The following SNTG1 variants were observed in gnomAD, a reference collection of about 807,000 sequenced individuals.
The protein encoded by SNTG1 is syntrophin gamma 1, also known as gamma-1-syntrophin.
In SNTG1, 39 loss-of-function variants were observed where a neutral mutation model predicts 74.7. The observed-to-expected ratio is 0.52, with a 90% CI of 0.40 to 0.68. The LOEUF is 0.68. Among genes scored for constraint, SNTG1 ranks in the 30% least tolerant of loss-of-function variants. SNTG1 has a pLI of 0.00. For synonymous variants in SNTG1, 254 were observed against 217.1 expected (o/e 1.17, Z -1.49); for missense variants, 685 against 609.5 (o/e 1.12, Z -1.30).
intron 1 of SNTG1, among the ~76,000 whole-genome samples, chr8:50,102,029 G>A (rs2080150833): frequency 6.6e-6 from 1 of 152,056 alleles, no homozygotes; most frequent in South Asian, 2.1e-4. Context: ...ACGTGTGCAT[G>A]TGTCTTTATA....
At chr8:50,473,397 T>C (rs541236074) in intron 8 of SNTG1, among the ~76,000 whole-genome samples, 68 of 152,264 alleles carry the variant, frequency 4.5e-4, no homozygotes, top group South Asian at 1.0e-3. Context: ...CAGATATATC[T>C]TTATAGCAGT....
chr8:50,708,163 T>A (rs141147920), intron 16 of SNTG1: 198 of 185,352 alleles, frequency 1.1e-3, no homozygotes, highest in African/African-American at 4.6e-3. Context: ...ACCGCACCAC[T>A]ACGCTCTAGC....
At chr8:50,478,451 G>A (rs61046978) in intron 8 of SNTG1, among the ~76,000 whole-genome samples, 6,259 of 152,082 alleles carry the variant, frequency 0.041, 136 homozygotes, top group Middle Eastern at 0.12. Flanking sequence ...GTTCCTTCTT[G>A]TTCCCAAAAT....
In SNTG1 at chr8:50,751,984, T is replaced by TA; in HGVS notation, c.1285-17_1285-16insA. 1 of 1,471,296 alleles carries TA rather than the reference T, an allele frequency of 6.8e-7. No individual in the cohort carries two copies. The highest frequency in any genetic ancestry group is 1.4e-5 in the South Asian group (1 of 73,854). 91.1% of individuals were successfully genotyped at this position (1,471,296 alleles called of 1,614,324 possible). A position where few individuals can be genotyped will look rare whatever the true frequency, so the allele number is the denominator to read the frequency against. Reference sequence around the variant, plus strand: ...ATTAATTCCACCGACTTACATTGTTTTTTTTCCCCCCTTTAGGCTGTCCTT... The same window carrying TA: ...ATTAATTCCACCGACTTACATTGTTTATTTTTCCCCCCTTTAGGCTGTCCTT... On this transcript the variant is annotated splice_polypyrimidine_tract_variant and intron_variant, in intron 17 of 18. Coordinates refer to ENST00000642720, the MANE Select transcript of SNTG1 (RefSeq NM_018967.5).
intron 4 of SNTG1, among the ~76,000 whole-genome samples, chr8:50,422,695 G>T (rs945984637): frequency 2.6e-5 from 4 of 152,024 alleles, no homozygotes; most frequent in African/African-American, 9.7e-5. Flanking sequence ...GGGTTGGTGG[G>T]GCCAGATGGA....
intron 18 of SNTG1, chr8:50,762,816 G>C (rs1213267801): frequency 2.5e-5 from 11 of 431,474 alleles, no homozygotes; most frequent in Non-Finnish European, 1.9e-5. Context: ...TCTCTTTTAA[G>C]TCTCTTGAGC....
At chr8:50,721,846 A>G (rs2095488376) in intron 17 of SNTG1, among the ~76,000 whole-genome samples, 1 of 152,140 alleles carries the variant, frequency 6.6e-6, no homozygotes, top group Non-Finnish European at 1.5e-5. Flanking sequence ...AGCACAGTGA[A>G]TGCCCATTTT....
At chr8:50,625,801 A>G (rs988634571) in intron 13 of SNTG1, among the ~76,000 whole-genome samples, 2 of 152,230 alleles carry the variant, frequency 1.3e-5, no homozygotes, top group African/African-American at 4.8e-5. Flanking sequence ...GTTTTCATCT[A>G]AATTTGTCAT....
At chr8:50,761,910 T>G (rs1165827594) in intron 18 of SNTG1, among the ~76,000 whole-genome samples, 2 of 152,012 alleles carry the variant, frequency 1.3e-5, no homozygotes, top group African/African-American at 4.8e-5. Context: ...AAATAATCTT[T>G]GATATTACAC....
At chr8:50,170,337 G>T (rs866692094) in intron 1 of SNTG1, among the ~76,000 whole-genome samples, 7 of 152,050 alleles carry the variant, frequency 4.6e-5, no homozygotes, top group African/African-American at 1.7e-4. Context: ...GAGAAAATCA[G>T]ATTAGTCTAA....
intron 2 of SNTG1, among the ~76,000 whole-genome samples, chr8:50,268,702 G>T (rs1177411294): frequency 6.6e-6 from 1 of 151,652 alleles, no homozygotes; most frequent in South Asian, 2.1e-4. Context: ...TGTTGCCCAG[G>T]CTAGAATGCC....
intron 1 of SNTG1, among the ~76,000 whole-genome samples, chr8:50,162,987 G>A (rs766934177): frequency 6.6e-6 from 1 of 152,194 alleles, no homozygotes; most frequent in African/African-American, 2.4e-5. Context: ...AACAGAAGGG[G>A]ATGGCATCTG....
intron 1 of SNTG1, among the ~76,000 whole-genome samples, chr8:49,938,603 T>TTTTCTTTCTTTCTTTTTC (rs1808367542): frequency 1.3e-5 from 1 of 74,754 alleles, no homozygotes; most frequent in African/African-American, 4.5e-5. Flanking sequence ...TTTTCTTTTC[T>TTTTCTTTCTTTCTTTTTC]TTTCTTTCTT....
At chr8:50,272,758 A>G (rs1164439181) in intron 2 of SNTG1, among the ~76,000 whole-genome samples, 4 of 152,048 alleles carry the variant, frequency 2.6e-5, no homozygotes, top group Non-Finnish European at 5.9e-5. Flanking sequence ...TTTTTTATAG[A>G]CAGAGTCTTT....
In SNTG1 at chr8:50,079,538, C is replaced by A. The variant is rs549774982; in HGVS notation, c.-102-93023C>A. 7.2e-5 allele frequency among the ~76,000 whole-genome samples: 11 copies of A among 151,920 alleles called. 1 individual carries two copies. The highest frequency in any genetic ancestry group is 2.4e-4 in the African/African-American group (10 of 41,464). On this transcript the variant is annotated intron_variant, in intron 1 of 18. Coordinates refer to ENST00000642720, the MANE Select transcript of SNTG1 (RefSeq NM_018967.5). The stretch of plus-strand genomic sequence containing the variant: ...TGCCTGTTCACTCTGATGCTAGTTT[C>A]TTTTGCTGAGCAGAAGCTCTTTAGT...
intron 13 of SNTG1, among the ~76,000 whole-genome samples, chr8:50,607,275 G>A (rs1236886297): frequency 2.0e-5 from 3 of 151,728 alleles, no homozygotes; most frequent in Non-Finnish European, 3.0e-5. Flanking sequence ...GGAGAAGTTT[G>A]TGTAGGATGG....
intron 2 of SNTG1, among the ~76,000 whole-genome samples, chr8:50,200,419 T>C (rs1258988996): frequency 2.0e-5 from 3 of 152,102 alleles, no homozygotes; most frequent in Non-Finnish European, 4.4e-5. Context: ...CAGACGTTGA[T>C]TCCTTGGGTT....
chr8:50,020,968 A>G (rs531503009), intron 1 of SNTG1, among the ~76,000 whole-genome samples: 2 of 152,274 alleles, frequency 1.3e-5, no homozygotes, highest in African/African-American at 4.8e-5. Flanking sequence ...ATTGCAATCT[A>G]CAGGCCTGCT....
chr8:50,175,990 C>A (rs1049010833), intron 2 of SNTG1, among the ~76,000 whole-genome samples: 22 of 152,182 alleles, frequency 1.4e-4, no homozygotes, highest in African/African-American at 5.3e-4. Flanking sequence ...TCAGCTGTCA[C>A]AACTGGGTAC....
Sources: gnomAD v4.1 joint callset for allele counts (sites outside exome capture counted in the v4.1 genomes callset) on GRCh38, gnomAD v4.1.1 for gene constraint, MANE v1.5 for transcripts, NCBI Gene and HGNC (gene_info 2026-07-23, HGNC 2026-07-21) for gene names.